The following CTRB1 variants were observed in gnomAD, a reference collection of about 807,000 sequenced individuals.
The protein encoded by CTRB1 is chymotrypsinogen B1, also known as chymotrypsinogen B.
CTRB1 carries 15 observed loss-of-function variants against 20.4 expected under a neutral mutation model. The ratio of observed to expected loss-of-function variants is 0.74; its 90% CI spans 0.49 to 1.13. The LOEUF is 1.13. Among genes scored for constraint, CTRB1 ranks in the 50% most tolerant of loss-of-function variants. The pLI is 0.00. For synonymous variants in CTRB1, 92 were observed against 128.4 expected (o/e 0.72, Z 1.92); for missense variants, 227 against 290.1 (o/e 0.78, Z 1.58).
intron 1 of CTRB1, among the ~76,000 whole-genome samples, chr16:75,219,910 A>T (rs1311014727): frequency 3.3e-5 from 5 of 152,210 alleles, no homozygotes; most frequent in Non-Finnish European, 7.3e-5. Flanking sequence ...ATACAATTGT[A>T]CTACATATTT....
chr16:75,224,718 G>T lies in CTRB1; in HGVS notation c.644G>T (p.Gly215Val). ...GVSSCMGDSG[G>V]PLVCQKDGAW... is the part of the protein sequence containing the mutation. ...CCTCTCCCACAGGGCGACTCTGGCG[G>T]CCCCCTGGTCTGCCAAAAGGATGGA... Residue 215 changes from glycine to valine, a missense_variant, in exon 7 of 7, where the codon GGC (glycine) becomes GTC (valine). By Grantham distance (109) the Gly-to-Val change is moderately radical. Coordinates refer to ENST00000361017, the MANE Select transcript of CTRB1 (RefSeq NM_001906.6). 1 of 1,610,066 alleles carries T rather than the reference G, an allele frequency of 6.2e-7. No individual in the cohort carries two copies. Among genetic ancestry groups the T allele is most frequent in the Non-Finnish European group, 8.5e-7 (1 of 1,178,644 alleles).
chr16:75,223,969 G>A (rs1470977197), intron 5 of CTRB1, 86 bp from the exon 6 acceptor site: 1 of 483,022 alleles, frequency 2.1e-6, no homozygotes, highest in African/African-American at 4.3e-5. Context: ...ATGGTGCAGG[G>A]TAGGGCAGGC....
chr16:75,224,645 G>A, intron 6 of CTRB1, 60 bp from the exon 7 acceptor site: 1 of 1,534,626 alleles, frequency 6.5e-7, no homozygotes, highest in Non-Finnish European at 8.8e-7. Context: ...ATGTCCAGTG[G>A]CCCCTGGGAC....
At position 75,219,062 on chromosome 16, in the gene CTRB1, G is replaced by A; in HGVS notation, c.52+3G>A. ...CTCCCTTGTGGGGGCCGCCTTTGGT[G>A]AGTGCTGGTGCCCGAGGGGTCTGTC... On this transcript the variant is annotated splice_donor_region_variant and intron_variant, in intron 1 of 6. Coordinates refer to ENST00000361017, the MANE Select transcript of CTRB1 (RefSeq NM_001906.6). The A allele has an allele frequency of 3.8e-6, 6 of 1,586,990 alleles. No homozygotes were observed. The highest frequency in any genetic ancestry group is 3.4e-6 in the Non-Finnish European group (4 of 1,167,960).
intron 1 of CTRB1, 67 bp downstream of exon 1, chr16:75,219,126 G>C: frequency 2.0e-6 from 3 of 1,497,664 alleles, no homozygotes; most frequent in African/African-American, 1.4e-5. Flanking sequence ...GGGGATCTGA[G>C]TCCCCTGCTC....
At chr16:75,222,499 C>T in intron 1 of CTRB1, 1 of 538,726 alleles carries the variant, frequency 1.9e-6, no homozygotes, top group Non-Finnish European at 3.3e-6. Context: ...ACAGCCCGGC[C>T]TGTTTTCTGC....
At chr16:75,224,621 G>A in intron 6 of CTRB1, 84 bp from the exon 7 acceptor site, 2 of 1,460,200 alleles carry the variant, frequency 1.4e-6, no homozygotes, top group East Asian at 2.3e-5. Flanking sequence ...GTCCTGGACT[G>A]GACTCTGGGA....
At position 75,222,760 on chromosome 16, in the gene CTRB1, C is replaced by G. The variant is rs769722495; in HGVS notation, c.53-8C>G. On this transcript the variant is annotated splice_polypyrimidine_tract_variant and splice_region_variant and intron_variant, in intron 1 of 6. Coordinates refer to ENST00000361017, the MANE Select transcript of CTRB1 (RefSeq NM_001906.6). ...GCCTCAGCCCTTATTCACCCCACTC[C>G]CCCCCAGGCTGCGGGGTCCCCGCCA... 1 of 1,557,184 alleles carries G rather than the reference C, an allele frequency of 6.4e-7. No homozygotes were observed. Among genetic ancestry groups the G allele is most frequent in the Non-Finnish European group, 8.7e-7 (1 of 1,149,796 alleles).
Position 75,224,851 on chromosome 16 carries a change from C to G in CTRB1, c.777C>G (p.Ile259Met). ...AGCTCATACCTTGGGTGCAGAAGAT[C>G]CTGGCTGCCAACTGAGCCCGCGGCT... The part of the protein sequence containing the change: ...VTKLIPWVQK[I>M]LAAN Residue 259 changes from isoleucine to methionine, a missense_variant, in exon 7 of 7, where the codon ATC (isoleucine) becomes ATG (methionine). Transcript: ENST00000361017. The G allele has an allele frequency of 1.2e-6, 2 of 1,613,920 alleles. No individual in the cohort carries two copies. The highest frequency in any genetic ancestry group is 1.1e-5 in the South Asian group (1 of 91,090).
chr16:75,222,743 C>T (rs1352205897), intron 1 of CTRB1, 25 bp from the exon 2 acceptor site: 1 of 1,549,222 alleles, frequency 6.5e-7, no homozygotes, highest in Non-Finnish European at 8.7e-7. Context: ...GGGCCTCAGC[C>T]CTTATTCACC....
intron 1 of CTRB1, among the ~76,000 whole-genome samples, chr16:75,221,156 A>G (rs1416446453): frequency 7.6e-6 from 1 of 132,410 alleles, no homozygotes; most frequent in Non-Finnish European, 1.6e-5. Context: ...ATGACCCCAG[A>G]AGGGGACAGC....
At chr16:75,221,789 A>G (rs1000089786) in intron 1 of CTRB1, among the ~76,000 whole-genome samples, 2 of 151,636 alleles carry the variant, frequency 1.3e-5, no homozygotes, top group Admixed American at 6.6e-5. Context: ...AAGGCTGGGC[A>G]CGGTGGCTCA....
chr16:75,222,309 G>A (rs57153857), intron 1 of CTRB1, among the ~76,000 whole-genome samples: 7 of 152,180 alleles, frequency 4.6e-5, no homozygotes, highest in African/African-American at 1.7e-4. Flanking sequence ...GGGGTTATCA[G>A]ATTTTCTTCC....
At chr16:75,219,085 G>C (rs1370430355) in intron 1 of CTRB1, 26 bp downstream of exon 1, 2 of 1,573,980 alleles carry the variant, frequency 1.3e-6, no homozygotes, top group Non-Finnish European at 1.7e-6. Flanking sequence ...CGAGGGGTCT[G>C]TCCTGAGGGA....
intron 1 of CTRB1, among the ~76,000 whole-genome samples, chr16:75,222,191 C>T (rs966142475): frequency 1.3e-5 from 2 of 150,148 alleles, no homozygotes; most frequent in Admixed American, 6.6e-5. Context: ...CCAAACTTTA[C>T]ACAATGTTTC....
In CTRB1 at chr16:75,224,837, T is replaced by C. The variant is rs1279758433; in HGVS notation, c.763T>C (p.Trp255Arg). 2 of 1,613,918 alleles carry C rather than the reference T, an allele frequency of 1.2e-6. No individual in the cohort carries two copies. The highest frequency in any genetic ancestry group is 8.5e-7 in the Non-Finnish European group (1 of 1,180,010). ...CGCCCGTGTCACCAAGCTCATACCTTGGGTGCAGAAGATCCTGGCTGCCAA... is the reference window on the plus strand; with the variant it reads ...CGCCCGTGTCACCAAGCTCATACCTCGGGTGCAGAAGATCCTGGCTGCCAA... ...VYARVTKLIP[W>R]VQKILAAN is the part of the protein sequence containing the mutation. Residue 255 changes from tryptophan to arginine, a missense_variant, in exon 7 of 7, where the codon TGG becomes CGG. By Grantham distance (101) the Trp-to-Arg change is moderately radical. Coordinates refer to ENST00000361017, the MANE Select transcript of CTRB1 (RefSeq NM_001906.6).
At position 75,219,051 on chromosome 16, in the gene CTRB1, C is replaced by T. The variant is rs746309751; in HGVS notation, c.44C>T (p.Ala15Val). 6.3e-7 allele frequency: 1 copy of T among 1,590,700 alleles called. No individual in the cohort carries two copies. The stretch of plus-strand genomic sequence containing the variant: ...CTCTCCTGCTTCTCCCTTGTGGGGG[C>T]CGCCTTTGGTGAGTGCTGGTGCCCG... ...WLLSCFSLVG[A>V]AFGCGVPAIH... The change falls in exon 1 of 7, where the codon GCC (alanine) becomes GTC (valine). Residue 15 changes from alanine to valine, a missense_variant. By Grantham distance (64) the Ala-to-Val change is moderately conservative. Coordinates refer to ENST00000361017, the MANE Select transcript of CTRB1 (RefSeq NM_001906.6).
intron 1 of CTRB1, chr16:75,222,468 A>T: frequency 2.1e-6 from 1 of 480,646 alleles, no homozygotes; most frequent in Non-Finnish European, 3.7e-6. Context: ...TGTGTCCTCG[A>T]GGCTGAGCCC....
chr16:75,219,676 G>A (rs1272561427), intron 1 of CTRB1, among the ~76,000 whole-genome samples: 1 of 152,136 alleles, frequency 6.6e-6, no homozygotes, highest in East Asian at 1.9e-4. Context: ...GAGCTACTGT[G>A]CCCAGCCGTG....
Sources: gnomAD v4.1 joint callset for allele counts (sites outside exome capture counted in the v4.1 genomes callset) on GRCh38, gnomAD v4.1.1 for gene constraint, MANE v1.5 for transcripts, NCBI Gene and HGNC (gene_info 2026-07-23, HGNC 2026-07-21) for gene names.